Variants in RNF6 observed in about 807,000 individuals in gnomAD.
The protein encoded by RNF6 is ring finger protein 6, also known as E3 ubiquitin-protein ligase RNF6.
Under a neutral mutation model 50.1 loss-of-function variants are expected in RNF6, and 21 were observed. That is an observed-to-expected ratio of 0.42 (90% CI 0.30 to 0.60). The LOEUF is 0.60. Among genes scored for constraint, RNF6 ranks in the 20% least tolerant of loss-of-function variants. The pLI, the probability that RNF6 is intolerant of heterozygous loss-of-function variation, is 0.20. For synonymous variants in RNF6, 255 were observed against 291.8 expected, an observed-to-expected ratio of 0.87 and a Z score of 1.29; for missense variants, 698 against 838.2, an observed-to-expected ratio of 0.83 and a Z score of 2.07.
chr13:26,197,826 C>T (rs879554823), intron 5 of RNF6, among the ~76,000 whole-genome samples: 2 of 151,750 alleles, frequency 1.3e-5, no homozygotes, highest in Non-Finnish European at 2.9e-5. Context: ...GAGACTGAGA[C>T]CATCCTGGCT....
At chr13:26,160,138 C>G (rs1872125107) in intron 5 of RNF6, among the ~76,000 whole-genome samples, 1 of 152,052 alleles carries the variant, frequency 6.6e-6, no homozygotes, top group Admixed American at 6.6e-5. Context: ...ATATATTGAG[C>G]TGTGCATGAA....
downstream of RNF6, among the ~76,000 whole-genome samples, chr13:26,211,655 G>A (rs899432951): frequency 6.6e-6 from 1 of 152,154 alleles, no homozygotes; most frequent in African/African-American, 2.4e-5. Flanking sequence ...CTACTCCGGA[G>A]GCTGAGGCAG....
At chr13:26,155,611 G>C (rs17433862) in intron 5 of RNF6, among the ~76,000 whole-genome samples, 20,149 of 152,220 alleles carry the variant, frequency 0.13, 1,694 homozygotes, top group Admixed American at 0.2. Flanking sequence ...TTCTGCCTCT[G>C]AAAGGCAAGC....
chr13:26,215,671 C>G, intron 4 of RNF6, 79 bp from the exon 5 acceptor site: 1 of 1,239,830 alleles, frequency 8.1e-7, no homozygotes. Flanking sequence ...GTAAGAAAAA[C>G]AAAGTTTGTA....
At chr13:26,177,002 C>T (rs1017188066) in intron 5 of RNF6, among the ~76,000 whole-genome samples, 2 of 152,002 alleles carry the variant, frequency 1.3e-5, no homozygotes, top group African/African-American at 2.4e-5. Flanking sequence ...GTGGAGAATG[C>T]CAAATGATGA....
At chr13:26,191,140 G>A (rs1214244428) in intron 5 of RNF6, among the ~76,000 whole-genome samples, 6 of 152,146 alleles carry the variant, frequency 3.9e-5, no homozygotes, top group African/African-American at 1.4e-4. Flanking sequence ...TTAAGTTGGA[G>A]GGCAGGAGTG....
At chr13:26,141,295 G>A (rs759750654) in intron 5 of RNF6, among the ~76,000 whole-genome samples, 16 of 151,980 alleles carry the variant, frequency 1.1e-4, no homozygotes, top group Non-Finnish European at 5.9e-5. Flanking sequence ...GGGCGTGGTG[G>A]TGCATATCTT....
intron 5 of RNF6, among the ~76,000 whole-genome samples, chr13:26,206,122 A>G (rs1869095206): frequency 6.6e-6 from 1 of 152,176 alleles, no homozygotes; most frequent in Non-Finnish European, 1.5e-5. Flanking sequence ...CTCTGCCCAC[A>G]GTCAGAATAG....
chr13:26,156,930 T>C (rs934638070), intron 5 of RNF6, among the ~76,000 whole-genome samples: 13 of 152,252 alleles, frequency 8.5e-5, no homozygotes, highest in African/African-American at 3.1e-4. Context: ...AAATGACTAG[T>C]CAACCAATTA....
intron 5 of RNF6, among the ~76,000 whole-genome samples, chr13:26,141,192 A>C (rs753354828): frequency 1.7e-4 from 26 of 152,106 alleles, no homozygotes; most frequent in Non-Finnish European, 1.0e-4. Flanking sequence ...CAAAAAGAAC[A>C]AAGTCAAGGC....
chr13:26,141,113 A>G (rs1180726911), intron 5 of RNF6, among the ~76,000 whole-genome samples: 1 of 152,128 alleles, frequency 6.6e-6, no homozygotes, highest in African/African-American at 2.4e-5. Flanking sequence ...TTTTCACGGA[A>G]TTAGAAAAAA....
intron 5 of RNF6, among the ~76,000 whole-genome samples, chr13:26,182,791 T>C (rs1873304444): frequency 6.6e-6 from 1 of 152,068 alleles, no homozygotes; most frequent in Non-Finnish European, 1.5e-5. Context: ...GGTAACAGAG[T>C]GAGACCCTGT....
intron 5 of RNF6, among the ~76,000 whole-genome samples, chr13:26,152,690 A>G (rs949064045): frequency 2.4e-4 from 37 of 152,318 alleles, no homozygotes; most frequent in African/African-American, 8.2e-4. Context: ...CTCAAAGCTT[A>G]GTAGCTTCTA....
chr13:26,180,859 T>C (rs1873202357), intron 5 of RNF6, among the ~76,000 whole-genome samples: 1 of 152,218 alleles, frequency 6.6e-6, no homozygotes, highest in African/African-American at 2.4e-5. Flanking sequence ...CAATGTGTTG[T>C]CAGTCCAGGG....
intron 5 of RNF6, among the ~76,000 whole-genome samples, chr13:26,157,882 AGATGGATG>A (rs61591240): frequency 6.3e-4 from 94 of 149,316 alleles, no homozygotes; most frequent in East Asian, 1.8e-3. Context: ...AGAGAAAAAG[AGATGGATG>A]GATGGATGGA....
At chr13:26,140,261 G>A (rs1288082224) in intron 5 of RNF6, among the ~76,000 whole-genome samples, 1 of 152,086 alleles carries the variant, frequency 6.6e-6, no homozygotes, top group African/African-American at 2.4e-5. Flanking sequence ...TAATTGAAAG[G>A]AGTTTAATTG....
intron 5 of RNF6, among the ~76,000 whole-genome samples, chr13:26,198,511 C>T (rs9512152): frequency 0.53 from 79,778 of 151,624 alleles, 23,165 homozygotes; most frequent in East Asian, 0.7. Flanking sequence ...TATAAACTAA[C>T]CATCACAGCA....
chr13:26,144,736 T>C (rs558871026), intron 5 of RNF6: 3 of 152,234 alleles, frequency 2.0e-5, no homozygotes, highest in Non-Finnish European at 4.4e-5. Context: ...TGTCAACTGA[T>C]CATAGGGATC....
At chr13:26,141,067 G>A (rs1870916569) in intron 5 of RNF6, among the ~76,000 whole-genome samples, 1 of 152,134 alleles carries the variant, frequency 6.6e-6, no homozygotes, top group Non-Finnish European at 1.5e-5. Context: ...TTGATCTACA[G>A]ATTCAATGCT....
Sources: allele counts gnomAD v4.1 joint callset (sites outside exome capture counted in the v4.1 genomes callset), GRCh38; gene constraint gnomAD v4.1.1; transcripts MANE v1.5; gene names NCBI Gene and HGNC (gene_info 2026-07-23, HGNC 2026-07-21).